The following STK39 variants were observed in gnomAD, a reference collection of about 807,000 sequenced individuals.
STK39 encodes the protein STE20/SPS1-related proline-alanine-rich protein kinase.
In STK39, 20 loss-of-function variants were observed where a neutral mutation model predicts 77.8. The ratio of observed to expected loss-of-function variants is 0.26; its 90% CI spans 0.18 to 0.37. STK39 has a LOEUF of 0.37. STK39 is among the 10% of genes least tolerant of loss of function. STK39 has a pLI of 1.00. For missense variants in STK39, 479 were observed against 656.5 expected (o/e 0.73, Z 2.95); for synonymous variants, 246 against 234.1 (o/e 1.05, Z -0.47).
At chr2:168,221,535 G>A (rs1487427659) in intron 1 of STK39, among the ~76,000 whole-genome samples, 2 of 152,164 alleles carry the variant, frequency 1.3e-5, no homozygotes, top group Non-Finnish European at 2.9e-5. Flanking sequence ...AGACAGAATA[G>A]ATGGCTGGAA....
chr2:168,053,853 A>T (rs1276053164), intron 14 of STK39, among the ~76,000 whole-genome samples: 1 of 152,198 alleles, frequency 6.6e-6, no homozygotes, highest in African/African-American at 2.4e-5. Context: ...GTGTCAGAAG[A>T]CCCAGATGCT....
At chr2:168,113,557 T>C (rs1687175523) in intron 10 of STK39, among the ~76,000 whole-genome samples, 1 of 152,220 alleles carries the variant, frequency 6.6e-6, no homozygotes, top group Non-Finnish European at 1.5e-5. Context: ...TTGTGAAATA[T>C]AGGCATTTTT....
At chr2:168,064,286 G>A (rs75258218) in intron 13 of STK39, among the ~76,000 whole-genome samples, 2,841 of 152,148 alleles carry the variant, frequency 0.019, 94 homozygotes, top group African/African-American at 0.063. Flanking sequence ...CCCTGTTCCC[G>A]TTTCCTTTAC....
intron 14 of STK39, among the ~76,000 whole-genome samples, chr2:168,035,485 G>A (rs917297004): frequency 3.9e-5 from 6 of 151,968 alleles, no homozygotes; most frequent in Non-Finnish European, 7.4e-5. Flanking sequence ...TTTAAACTTC[G>A]GCAGAATGTC....
At chr2:167,957,251 A>G (rs950733581) in intron 17 of STK39, among the ~76,000 whole-genome samples, 2 of 152,208 alleles carry the variant, frequency 1.3e-5, no homozygotes, top group Admixed American at 6.5e-5. Flanking sequence ...TAAAGAAAGG[A>G]ATTTACTTTG....
chr2:168,091,150 GCACA>G (rs71927823), intron 10 of STK39, among the ~76,000 whole-genome samples: 19,979 of 147,390 alleles, frequency 0.14, 1,438 homozygotes, highest in East Asian at 0.23. Context: ...ACAAACAGGT[GCACA>G]CACACACACA....
Position 168,140,724 on chromosome 2 carries a change from AC to A in STK39, c.662del (p.Gly221ValfsTer8). On this transcript the variant is annotated frameshift_variant, in exon 6 of 18. Transcript: ENST00000355999. LOFTEE classifies it high-confidence loss of function. The part of the protein sequence containing the change: ...FGVSAFLATG[G>X]DVTRNKVRKT... Reference sequence around the variant, plus strand: ...TTCTTACTTTATTTCGGGTAACATCACCCCCTGTTGCTAGGAACGCACTTAC... The same window carrying A: ...TTCTTACTTTATTTCGGGTAACATCACCCCTGTTGCTAGGAACGCACTTAC... 1 of 1,610,646 alleles carries A rather than the reference AC, an allele frequency of 6.2e-7. No homozygotes were observed. Among genetic ancestry groups the A allele is most frequent in the Non-Finnish European group, 8.5e-7 (1 of 1,177,550 alleles).
At chr2:168,083,228 CT>C (rs542073949) in intron 10 of STK39, among the ~76,000 whole-genome samples, 3,867 of 138,386 alleles carry the variant, frequency 0.028, 100 homozygotes, top group African/African-American at 0.07. Context: ...CCACATTCTC[CT>C]TTTTTTTTTT....
chr2:168,194,107 T>A (rs1264666357), intron 1 of STK39, among the ~76,000 whole-genome samples: 5 of 152,142 alleles, frequency 3.3e-5, no homozygotes, highest in East Asian at 1.9e-4. Context: ...TGTATGTGTA[T>A]CGGGCTATTC....
intron 10 of STK39, among the ~76,000 whole-genome samples, chr2:168,108,404 C>A (rs370759311): frequency 1.3e-5 from 2 of 151,900 alleles, no homozygotes; most frequent in East Asian, 3.9e-4. Context: ...AAAAATTAGC[C>A]GGGCGTAGTG....
intron 12 of STK39, among the ~76,000 whole-genome samples, chr2:168,069,463 A>G (rs898171941): frequency 6.6e-6 from 1 of 152,216 alleles, no homozygotes; most frequent in African/African-American, 2.4e-5. Context: ...TGTGAGCCCT[A>G]CTGGGCTTCA....
At chr2:168,012,410 TG>T (rs1285922664) in intron 16 of STK39, among the ~76,000 whole-genome samples, 1 of 152,126 alleles carries the variant, frequency 6.6e-6, no homozygotes, top group Admixed American at 6.6e-5. Flanking sequence ...TGACCTCAGG[TG>T]GTCCACCCAC....
intron 8 of STK39, among the ~76,000 whole-genome samples, chr2:168,133,718 C>T (rs1574491520): frequency 6.6e-6 from 1 of 151,902 alleles, no homozygotes; most frequent in South Asian, 2.1e-4. Context: ...ATTAGCCAGG[C>T]GTGATGGCGG....
chr2:168,098,380 T>C (rs1686730335), intron 10 of STK39, among the ~76,000 whole-genome samples: 1 of 152,218 alleles, frequency 6.6e-6, no homozygotes, highest in East Asian at 1.9e-4. Flanking sequence ...TTATACCTAT[T>C]GCACTTTACC....
At chr2:167,970,065 A>G (rs963905389) in intron 16 of STK39, among the ~76,000 whole-genome samples, 1 of 152,146 alleles carries the variant, frequency 6.6e-6, no homozygotes, top group South Asian at 2.1e-4. Context: ...TCTCCCGGAA[A>G]TGTTCTTCCT....
At chr2:168,143,541 T>G (rs971373068) in intron 5 of STK39, among the ~76,000 whole-genome samples, 1 of 152,012 alleles carries the variant, frequency 6.6e-6, no homozygotes, top group Non-Finnish European at 1.5e-5. Flanking sequence ...TGAAACCCCA[T>G]CTCTACTAAA....
chr2:168,085,050 T>C (rs895228218), intron 10 of STK39, among the ~76,000 whole-genome samples: 1 of 152,200 alleles, frequency 6.6e-6, no homozygotes, highest in African/African-American at 2.4e-5. Context: ...TCTTCACTAA[T>C]GGAGTGAACC....
chr2:168,101,149 T>G (rs906173842), intron 10 of STK39, among the ~76,000 whole-genome samples: 1 of 151,478 alleles, frequency 6.6e-6, no homozygotes, highest in Admixed American at 6.6e-5. Flanking sequence ...TAAGTGGGAG[T>G]TGAACAATGA....
At chr2:168,056,232 C>A (rs143914922) in intron 14 of STK39, among the ~76,000 whole-genome samples, 2 of 152,044 alleles carry the variant, frequency 1.3e-5, no homozygotes. Flanking sequence ...TGGAGAAATA[C>A]ACTACCTGTA....
Sources: allele counts gnomAD v4.1 joint callset (sites outside exome capture counted in the v4.1 genomes callset), GRCh38; gene constraint gnomAD v4.1.1; transcripts MANE v1.5; gene names NCBI Gene and HGNC (gene_info 2026-07-23, HGNC 2026-07-21).